The following NPEPPS variants were observed in gnomAD, a reference collection of about 807,000 sequenced individuals.
NPEPPS encodes puromycin-sensitive aminopeptidase.
In NPEPPS, 14 loss-of-function variants were observed where a neutral mutation model predicts 115.5. The observed-to-expected ratio is 0.12, with a 90% confidence interval of 0.08 to 0.19. The LOEUF is 0.19. Ranked by LOEUF, NPEPPS falls within the 10% of genes least tolerant of loss-of-function variation. NPEPPS has a pLI of 1.00. For missense variants in NPEPPS, 523 were observed against 1,110.8 expected, an observed-to-expected ratio of 0.47 and a Z score of 7.52; for synonymous variants, 285 against 390.6, an observed-to-expected ratio of 0.73 and a Z score of 3.19.
intron 1 of NPEPPS, among the ~76,000 whole-genome samples, chr17:47,544,528 A>G (rs1909046382): frequency 1.3e-5 from 2 of 149,466 alleles, no homozygotes; most frequent in South Asian, 4.2e-4. Flanking sequence ...TTATTTATTT[A>G]TTTATTTATT....
rs571149278 is a variant in NPEPPS, at chr17:47,543,199, A to G, written c.256-2710A>G. ...CAAGAGTGTTAAACAAGCAGTTCACAGTGGAAAAACTTAATGGCGCGCACA... is the reference window on the plus strand; with the variant it reads ...CAAGAGTGTTAAACAAGCAGTTCACGGTGGAAAAACTTAATGGCGCGCACA... On this transcript the variant is annotated intron_variant, in intron 1 of 22. Transcript: ENST00000322157. 2.3e-3 allele frequency among the ~76,000 whole-genome samples: 344 copies of G among 151,976 alleles called. 1 individual carries two copies. The highest frequency in any genetic ancestry group is 8.2e-3 in the African/African-American group (340 of 41,498).
At chr17:47,616,559 C>T (rs927746683) in intron 19 of NPEPPS, among the ~76,000 whole-genome samples, 4 of 151,844 alleles carry the variant, frequency 2.6e-5, no homozygotes, top group African/African-American at 9.7e-5. Flanking sequence ...TGGCGGGCGC[C>T]TGTAGTCCCA....
In NPEPPS at chr17:47,621,755, T is replaced by G; in HGVS notation, c.2608-13T>G. 2 of 1,595,084 alleles carry G rather than the reference T, an allele frequency of 1.3e-6. No individual in the cohort carries two copies. Among genetic ancestry groups the G allele is most frequent in the African/African-American group, 1.3e-5 (1 of 74,720 alleles). On this transcript the variant is annotated splice_polypyrimidine_tract_variant and intron_variant, in intron 22 of 22. Transcript: ENST00000322157. ...CTAGTAATGATCCTGCATTCTGGGTTGTTTTATACCAGGCTTTCTTCGAGA... is the reference window on the plus strand; with the variant it reads ...CTAGTAATGATCCTGCATTCTGGGTGGTTTTATACCAGGCTTTCTTCGAGA...
At chr17:47,578,202 A>C (rs1597856509) in intron 3 of NPEPPS, among the ~76,000 whole-genome samples, 1 of 111,788 alleles carries the variant, frequency 8.9e-6, no homozygotes, top group East Asian at 3.0e-4. Flanking sequence ...CCTCTGTCTC[A>C]AAAAAAAAAA....
chr17:47,564,337 C>T (rs1286305849), intron 2 of NPEPPS, among the ~76,000 whole-genome samples: 1 of 151,984 alleles, frequency 6.6e-6, no homozygotes, highest in African/African-American at 2.4e-5. Context: ...AGTTTGAGAC[C>T]AGCCTGGACA....
chr17:47,620,629 A>G (rs924643996), intron 22 of NPEPPS, among the ~76,000 whole-genome samples: 12 of 152,186 alleles, frequency 7.9e-5, no homozygotes, highest in Non-Finnish European at 1.6e-4. Context: ...GAACTGAACC[A>G]TGATTAGGAG....
At chr17:47,559,792 G>C in intron 2 of NPEPPS, 1 of 399,178 alleles carries the variant, frequency 2.5e-6, no homozygotes, top group Non-Finnish European at 4.9e-6. Context: ...AATAGAGATA[G>C]AGTCTCACTG....
At chr17:47,604,218 A>G in intron 16 of NPEPPS, 169 bp downstream of exon 16, 1 of 516,044 alleles carries the variant, frequency 1.9e-6, no homozygotes, top group Non-Finnish European at 3.2e-6. Flanking sequence ...TTGAGGCTAT[A>G]TAATTTAAAT....
chr17:47,539,022 T>G (rs1908552007), intron 1 of NPEPPS, among the ~76,000 whole-genome samples: 2 of 152,126 alleles, frequency 1.3e-5, no homozygotes, highest in Non-Finnish European at 2.9e-5. Context: ...TGAGAGTTTG[T>G]TGGATTCTCT....
intron 2 of NPEPPS, among the ~76,000 whole-genome samples, chr17:47,552,393 G>A (rs1360029084): frequency 1.3e-5 from 2 of 152,204 alleles, no homozygotes; most frequent in Non-Finnish European, 2.9e-5. Context: ...GTCAGCATTA[G>A]AAGGAGCAAG....
intron 14 of NPEPPS, among the ~76,000 whole-genome samples, chr17:47,600,368 C>T (rs1195486992): frequency 2.0e-5 from 3 of 152,092 alleles, no homozygotes; most frequent in Non-Finnish European, 4.4e-5. Context: ...CCCATGAGAT[C>T]GAGGCTGCAG....
In NPEPPS at chr17:47,613,257, CTTTTTTTTTT is replaced by C. The variant is rs753383358; in HGVS notation, c.2239-397_2239-388del. On this transcript the variant is annotated intron_variant, in intron 18 of 22. Coordinates refer to ENST00000322157, the MANE Select transcript of NPEPPS (RefSeq NM_006310.4). ...GTAATATTCACATTTATAATATTTA[CTTTTTTTTTT>C]TTTTTTTTTTTTTTCTGAGACGGAG... 5.1e-5 allele frequency among the ~76,000 whole-genome samples: 5 copies of C among 98,226 alleles called. No individual in the cohort carries two copies. The South Asian group carries it at 1.3e-3, about 25-fold the overall frequency. The allele number at this position is 98,226 out of a possible 152,430, so 64.4% of individuals were successfully genotyped here. A position where few individuals can be genotyped will look rare whatever the true frequency, so the allele number is the denominator to read the frequency against.
rs537262445 is a variant in NPEPPS, at chr17:47,615,368, G to T, written c.2295+1643G>T. 9.9e-5 allele frequency among the ~76,000 whole-genome samples: 15 copies of T among 152,270 alleles called. No individual in the cohort carries two copies. The South Asian group carries it at 3.1e-3, about 32-fold the overall frequency. ...TGGGATTATAGGCATGAGCCACCAT[G>T]TCTGGCCTGCTTTCTAAGAATATAA... On this transcript the variant is annotated intron_variant, in intron 19 of 22. Coordinates refer to ENST00000322157, the MANE Select transcript of NPEPPS (RefSeq NM_006310.4).
chr17:47,534,031 G>T (rs1908010898), intron 1 of NPEPPS, among the ~76,000 whole-genome samples: 1 of 152,120 alleles, frequency 6.6e-6, no homozygotes, highest in Non-Finnish European at 1.5e-5. Flanking sequence ...CCATGAATTA[G>T]AGCAATACGT....
At chr17:47,566,734 A>G (rs1161995618) in intron 2 of NPEPPS, among the ~76,000 whole-genome samples, 2 of 151,960 alleles carry the variant, frequency 1.3e-5, no homozygotes, top group Admixed American at 1.3e-4. Context: ...AGAAAGGAAC[A>G]TTCTTAAGCA....
chr17:47,541,596 C>T (rs1394648530), intron 1 of NPEPPS, among the ~76,000 whole-genome samples: 2 of 152,126 alleles, frequency 1.3e-5, no homozygotes, highest in Admixed American at 6.6e-5. Context: ...AGGCTGGTCT[C>T]GAACCCCTGA....
chr17:47,558,641 C>T (rs1910221611), intron 2 of NPEPPS, among the ~76,000 whole-genome samples: 1 of 152,194 alleles, frequency 6.6e-6, no homozygotes, highest in Non-Finnish European at 1.5e-5. Flanking sequence ...GTTGGCCAGG[C>T]TGGTCTTGAA....
rs527851314 is a variant in NPEPPS, at chr17:47,538,866, A to G, written c.256-7043A>G. 2.8e-4 allele frequency among the ~76,000 whole-genome samples: 42 copies of G among 150,984 alleles called. No individual in the cohort carries two copies. The South Asian group carries it at 8.4e-3, about 30-fold the overall frequency. On this transcript the variant is annotated intron_variant, in intron 1 of 22. Transcript: ENST00000322157. ...TCTTTAAAGTTGTTTTGTTTTCCTT[A>G]CTCTCATGTTCTTCTTGCTGCTTAT...
chr17:47,556,981 TCTTG>T (rs1410097846), intron 2 of NPEPPS, among the ~76,000 whole-genome samples: 1 of 152,198 alleles, frequency 6.6e-6, no homozygotes. Context: ...TTTTCAGTTT[TCTTG>T]CTTTTTTTCT....
Sources: gnomAD v4.1 joint callset for allele counts (sites outside exome capture counted in the v4.1 genomes callset) on GRCh38, gnomAD v4.1.1 for gene constraint, MANE v1.5 for transcripts, NCBI Gene and HGNC (gene_info 2026-07-23, HGNC 2026-07-21) for gene names.